UIMC1: variants seen among roughly 807,000 people sequenced by gnomAD.
UIMC1 encodes the protein ubiquitin interaction motif containing 1.
UIMC1 carries 42 observed loss-of-function variants against 84.9 expected under a neutral mutation model. The observed-to-expected ratio is 0.49, with a 90% CI of 0.39 to 0.64. UIMC1 has a LOEUF of 0.64. UIMC1 is among the 30% of genes least tolerant of loss of function. The pLI, the probability that UIMC1 is intolerant of heterozygous loss-of-function variation, is 0.00. For synonymous variants in UIMC1, 281 were observed against 293.0 expected, an observed-to-expected ratio of 0.96 and a Z score of 0.42; for missense variants, 825 against 847.6, an observed-to-expected ratio of 0.97 and a Z score of 0.33.
At chr5:176,964,704 C>G (rs1018565602) in intron 6 of UIMC1, among the ~76,000 whole-genome samples, 41 of 152,084 alleles carry the variant, frequency 2.7e-4, no homozygotes, top group African/African-American at 9.9e-4. Flanking sequence ...AACTTTTCAG[C>G]ATTTTTTAAC....
chr5:176,919,882 T>C (rs1043763606), intron 10 of UIMC1, among the ~76,000 whole-genome samples: 43 of 152,228 alleles, frequency 2.8e-4, no homozygotes, highest in African/African-American at 1.0e-3. Context: ...AATTAGTAAG[T>C]TGTAAAATTG....
chr5:176,971,976 C>G (rs1332103482), intron 3 of UIMC1, among the ~76,000 whole-genome samples: 1 of 152,186 alleles, frequency 6.6e-6, no homozygotes, highest in Non-Finnish European at 1.5e-5. Flanking sequence ...ATAGACTAAC[C>G]AGTCACTGTT....
intron 1 of UIMC1, among the ~76,000 whole-genome samples, chr5:176,990,352 C>T (rs1772646299): frequency 6.6e-6 from 1 of 152,052 alleles, no homozygotes; most frequent in Non-Finnish European, 1.5e-5. Context: ...CTTTTAAGCA[C>T]AGTGCAAGCC....
At chr5:176,947,765 G>C (rs1191872469) in intron 9 of UIMC1, among the ~76,000 whole-genome samples, 1 of 151,564 alleles carries the variant, frequency 6.6e-6, no homozygotes, top group Non-Finnish European at 1.5e-5. Flanking sequence ...TTGCAGAGCC[G>C]AGATTGCGCC....
Position 176,951,545 on chromosome 5 carries a change from G to C in UIMC1, c.1372C>G (p.Leu458Val). Residue 458 changes from leucine (L) to valine (V), a missense_variant, in exon 9 of 15, where the codon CTT (leucine) becomes GTT (valine). Coordinates refer to ENST00000511320, the MANE Select transcript of UIMC1 (RefSeq NM_001199298.2). ...CTACCTGGAGAGACTTCTCTTTCAA[G>C]GTCAAAAGTTTCAGAGGAACTTAGC... is the stretch of plus-strand genomic sequence containing the variant. ...TQLSSSETFD[L>V]EREVSPGSRD... 1 of 1,589,780 alleles carries C rather than the reference G, an allele frequency of 6.3e-7. No individual in the cohort carries two copies. Among genetic ancestry groups the C allele is most frequent in the South Asian group, 1.2e-5 (1 of 85,214 alleles).
At chr5:176,926,209 G>A (rs934084201) in intron 10 of UIMC1, among the ~76,000 whole-genome samples, 2 of 152,032 alleles carry the variant, frequency 1.3e-5, no homozygotes, top group South Asian at 4.2e-4. Context: ...CCAAAAAAGA[G>A]ATACAAAGGA....
intron 2 of UIMC1, among the ~76,000 whole-genome samples, chr5:176,980,931 G>C (rs2149502131): frequency 6.6e-6 from 1 of 152,110 alleles, no homozygotes; most frequent in East Asian, 1.9e-4. Context: ...TGTAGAGACA[G>C]GGTCTTACTA....
intron 6 of UIMC1, among the ~76,000 whole-genome samples, chr5:176,966,864 A>G (rs1768381084): frequency 6.6e-6 from 1 of 152,230 alleles, no homozygotes; most frequent in African/African-American, 2.4e-5. Flanking sequence ...ATAGATTATC[A>G]AAAGAAAAAA....
chr5:176,910,186 C>T (rs1009257272), intron 11 of UIMC1, among the ~76,000 whole-genome samples: 4 of 152,206 alleles, frequency 2.6e-5, no homozygotes, highest in Admixed American at 1.3e-4. Context: ...AGACGAATGT[C>T]TACATTACAG....
chr5:177,002,752 C>T (rs1013609107), intron 1 of UIMC1, among the ~76,000 whole-genome samples: 1 of 151,898 alleles, frequency 6.6e-6, no homozygotes, highest in Non-Finnish European at 1.5e-5. Context: ...GAGCGGAGAT[C>T]GTGCCACTGC....
intron 6 of UIMC1, among the ~76,000 whole-genome samples, chr5:176,960,641 CTCCG>C: frequency 3.5e-5 from 1 of 28,818 alleles, no homozygotes. Context: ...CCGTCTCCGT[CTCCG>C]TCTCCGTCTC....
At chr5:176,954,150 C>T (rs556600660) in intron 8 of UIMC1, among the ~76,000 whole-genome samples, 58 of 152,294 alleles carry the variant, frequency 3.8e-4, no homozygotes, top group African/African-American at 1.4e-3. Flanking sequence ...GTATGAAGGG[C>T]CTGCTTTTCC....
At chr5:176,907,575 A>G (rs185931956) in intron 12 of UIMC1, among the ~76,000 whole-genome samples, 1 of 152,280 alleles carries the variant, frequency 6.6e-6, no homozygotes, top group Non-Finnish European at 1.5e-5. Context: ...TTTAGTGTGT[A>G]CAGTGACTCC....
In UIMC1 at chr5:176,944,925, C is replaced by T. The variant is rs186204972; in HGVS notation, c.1444-1437G>A. On this transcript the variant is annotated intron_variant, in intron 9 of 14. Coordinates refer to ENST00000511320, the MANE Select transcript of UIMC1 (RefSeq NM_001199298.2). ...CCAGTCATTTTCCATATCCATCCCTCCCAACAAGCCGCTGGACAGAAGTAT... is the reference window on the plus strand; with the variant it reads ...CCAGTCATTTTCCATATCCATCCCTTCCAACAAGCCGCTGGACAGAAGTAT... Among the ~76,000 whole-genome samples, 154 of 152,326 alleles carry T rather than the reference C, an allele frequency of 1.0e-3. 1 individual carries two copies. The highest frequency in any genetic ancestry group is 3.1e-3 in the African/African-American group (129 of 41,574).
chr5:176,921,449 T>C (rs977915405), intron 10 of UIMC1, among the ~76,000 whole-genome samples: 1 of 152,258 alleles, frequency 6.6e-6, no homozygotes, highest in Non-Finnish European at 1.5e-5. Context: ...CATCTTCATT[T>C]GGTTATTCAC....
intron 10 of UIMC1, among the ~76,000 whole-genome samples, chr5:176,934,823 T>C (rs1251785940): frequency 6.6e-6 from 1 of 152,236 alleles, no homozygotes; most frequent in African/African-American, 2.4e-5. Flanking sequence ...AAATTCTTTC[T>C]TTCCATTAAA....
rs1277628529 is a variant in UIMC1 at position 176,943,454 on chromosome 5, G to A, written c.1478C>T (p.Ala493Val). The change falls in exon 10 of 15, where the codon GCT becomes GTT. Residue 493 changes from alanine to valine, a missense_variant. Physicochemically the swap from Ala to Val is moderately conservative, Grantham distance 64. Transcript: ENST00000511320. ...GNKEDAEKEV[A>V]ISTFSSSNQV... ...GTTACTGGATGAGAAGGTAGAAATA[G>A]CTACTTCCTTCTCAGCATCTTCCTT... 6.2e-7 allele frequency: 1 copy of A among 1,614,072 alleles called. No individual in the cohort carries two copies. The highest frequency in any genetic ancestry group is 1.1e-5 in the South Asian group (1 of 91,072).
intron 1 of UIMC1, among the ~76,000 whole-genome samples, chr5:176,988,927 C>T (rs898049278): frequency 1.3e-5 from 2 of 152,040 alleles, no homozygotes; most frequent in Non-Finnish European, 2.9e-5. Flanking sequence ...CATGATCCAC[C>T]CACCTTGGCC....
chr5:176,982,364 G>T, intron 2 of UIMC1, 105 bp downstream of exon 2: 1 of 1,314,344 alleles, frequency 7.6e-7, no homozygotes, highest in Non-Finnish European at 1.0e-6. Flanking sequence ...TCATGGTTTT[G>T]GTGAGCTGGC....
Sources: allele counts gnomAD v4.1 joint callset (sites outside exome capture counted in the v4.1 genomes callset), GRCh38; gene constraint gnomAD v4.1.1; transcripts MANE v1.5; gene names NCBI Gene and HGNC (gene_info 2026-07-23, HGNC 2026-07-21).